The following CLHC1 variants were observed in gnomAD, a reference collection of about 807,000 sequenced individuals.
CLHC1 encodes clathrin heavy chain linker domain-containing protein 1.
In CLHC1, 72 loss-of-function variants were observed where a neutral mutation model predicts 69.5. That is an observed-to-expected ratio of 1.04 (90% CI 0.86 to 1.26). The LOEUF (loss-of-function observed/expected upper bound fraction) is 1.26. CLHC1 is among the 50% of genes most tolerant of loss of function. The pLI is 0.00. For synonymous variants in CLHC1, 223 were observed against 224.3 expected (o/e 0.99, Z 0.05); for missense variants, 790 against 679.3 (o/e 1.16, Z -1.81).
intron 11 of CLHC1, 94 bp downstream of exon 11, chr2:55,180,416 A>G (rs145972393): frequency 4.9e-5 from 41 of 845,230 alleles, no homozygotes; most frequent in Non-Finnish European, 5.8e-5. Context: ...TTGATTTTAT[A>G]ACGTAAGTTT....
intron 9 of CLHC1, among the ~76,000 whole-genome samples, chr2:55,192,328 C>A (rs182952571): frequency 6.6e-6 from 1 of 152,246 alleles, no homozygotes; most frequent in Admixed American, 6.5e-5. Context: ...CCATGTTGGC[C>A]AGGCTGGTCT....
At chr2:55,216,467 G>T (rs992990414) in intron 4 of CLHC1, among the ~76,000 whole-genome samples, 5 of 152,080 alleles carry the variant, frequency 3.3e-5, no homozygotes, top group Non-Finnish European at 5.9e-5. Flanking sequence ...TCATGAAATT[G>T]TACTATTAAA....
chr2:55,223,670 C>T (rs1226678076), intron 2 of CLHC1, among the ~76,000 whole-genome samples: 1 of 151,964 alleles, frequency 6.6e-6, no homozygotes, highest in Non-Finnish European at 1.5e-5. Flanking sequence ...ACCACTGGCG[C>T]CCCCGGACCC....
intron 9 of CLHC1, among the ~76,000 whole-genome samples, chr2:55,186,742 T>C (rs1213523549): frequency 1.3e-5 from 2 of 152,088 alleles, no homozygotes; most frequent in African/African-American, 2.4e-5. Flanking sequence ...ACCACTGCAC[T>C]CCCACCTGGA....
chr2:55,232,265 A>C lies in CLHC1; in HGVS notation c.-298T>G. On this transcript the variant is annotated 5_prime_UTR_variant, in exon 1 of 13. Transcript: ENST00000401408. ...GTCCTTTTCTCCAAACACCGACTTCAGTGCTTAGAGATAGTAACTAGGGAA... is the reference window on the plus strand; with the variant it reads ...GTCCTTTTCTCCAAACACCGACTTCCGTGCTTAGAGATAGTAACTAGGGAA... 1 of 184,226 alleles carries C rather than the reference A, an allele frequency of 5.4e-6. No homozygotes were observed. The highest frequency in any genetic ancestry group is 1.2e-5 in the Non-Finnish European group (1 of 85,068). 11.4% of individuals were successfully genotyped at this position (184,226 alleles called of 1,614,324 possible).
At chr2:55,182,711 T>C (rs1348663974) in intron 9 of CLHC1, among the ~76,000 whole-genome samples, 1 of 152,192 alleles carries the variant, frequency 6.6e-6, no homozygotes, top group Non-Finnish European at 1.5e-5. Context: ...TAAAGAGAAT[T>C]AAAGTACGAG....
chr2:55,189,204 G>A (rs910866270), intron 9 of CLHC1, among the ~76,000 whole-genome samples: 18 of 151,888 alleles, frequency 1.2e-4, no homozygotes, highest in African/African-American at 4.1e-4. Context: ...GGAGAAAAGA[G>A]GGAATTCTTA....
At chr2:55,213,091 T>TA (rs1278624902) in intron 4 of CLHC1, among the ~76,000 whole-genome samples, 1 of 152,194 alleles carries the variant, frequency 6.6e-6, no homozygotes, top group Non-Finnish European at 1.5e-5. Context: ...TTTTGTAATT[T>TA]AAAAAATATT....
chr2:55,207,281 G>C (rs1672546397), intron 8 of CLHC1, among the ~76,000 whole-genome samples: 1 of 152,138 alleles, frequency 6.6e-6, no homozygotes, highest in African/African-American at 2.4e-5. Flanking sequence ...TATGGCAAAA[G>C]GTCTTCAAAT....
chr2:55,177,668 G>C lies in CLHC1; in HGVS notation c.1498C>G (p.Leu500Val), dbSNP rs1669528100. Residue 500 changes from leucine (L) to valine (V), a missense_variant, in exon 12 of 13, where the codon CTG becomes GTG. By Grantham distance (32) the Leu-to-Val change is conservative (BLOSUM62 1). Transcript: ENST00000401408. ...ACTTTTTTCATGTCTGCAGAGAACA[G>C]ATGAAGTATAGCAAGACCAAAAGAT... is the stretch of plus-strand genomic sequence containing the variant. ...SLSFGLAILHLFSADMKKVGI... is the reference protein window; with the variant it reads ...SLSFGLAILHVFSADMKKVGI... The C allele has an allele frequency of 1.9e-6, 3 of 1,612,976 alleles. No homozygotes were observed. Among genetic ancestry groups the C allele is most frequent in the Non-Finnish European group, 1.7e-6 (2 of 1,179,188 alleles).
At chr2:55,199,309 A>G (rs61218130) in intron 9 of CLHC1, among the ~76,000 whole-genome samples, 6 of 130,406 alleles carry the variant, frequency 4.6e-5, no homozygotes, top group Non-Finnish European at 5.1e-5. Flanking sequence ...AAAAAAAAAA[A>G]AAAAAAAAAA....
chr2:55,201,845 G>T (rs1286265126), intron 9 of CLHC1, among the ~76,000 whole-genome samples: 1 of 152,138 alleles, frequency 6.6e-6, no homozygotes, highest in African/African-American at 2.4e-5. Context: ...GGGATGTAAG[G>T]ATGGTTCAAC....
chr2:55,198,876 GA>G (rs146732425), intron 9 of CLHC1, among the ~76,000 whole-genome samples: 2,315 of 151,508 alleles, frequency 0.015, 58 homozygotes, highest in African/African-American at 0.054. Flanking sequence ...AAATGTTGAA[GA>G]AAAAAAACAT....
intron 5 of CLHC1, among the ~76,000 whole-genome samples, chr2:55,212,407 A>G (rs1385146708): frequency 6.6e-6 from 1 of 152,216 alleles, no homozygotes; most frequent in Non-Finnish European, 1.5e-5. Context: ...AGAGGTCTTT[A>G]GGTGATGCTG....
chr2:55,183,699 C>T (rs71414550), intron 9 of CLHC1, among the ~76,000 whole-genome samples: 26,759 of 152,200 alleles, frequency 0.18, 2,607 homozygotes, highest in East Asian at 0.39. Context: ...ACCCCTAAAG[C>T]TTGTATAGTG....
intron 3 of CLHC1, among the ~76,000 whole-genome samples, chr2:55,221,841 G>T (rs1022578250): frequency 6.6e-6 from 1 of 152,138 alleles, no homozygotes; most frequent in Non-Finnish European, 1.5e-5. Context: ...GTCAGGAGTG[G>T]TGGCACAAGT....
At chr2:55,232,386 T>A (rs1489388606), upstream of CLHC1, 1 of 280,654 alleles carries the variant, frequency 3.6e-6, no homozygotes, top group Non-Finnish European at 7.1e-6. Context: ...ATTTCCTACC[T>A]CTTCCCCAAG....
chr2:55,207,193 G>A (rs1672537782), intron 8 of CLHC1, among the ~76,000 whole-genome samples: 1 of 152,006 alleles, frequency 6.6e-6, no homozygotes, highest in African/African-American at 2.4e-5. Flanking sequence ...GTTCTGCCAG[G>A]CAACAGGTTC....
At chr2:55,213,327 A>G (rs1039096074) in intron 4 of CLHC1, among the ~76,000 whole-genome samples, 2 of 152,180 alleles carry the variant, frequency 1.3e-5, no homozygotes, top group African/African-American at 4.8e-5. Flanking sequence ...TCATCACTTC[A>G]GTCTCTGCCT....
Sources: allele counts gnomAD v4.1 joint callset (sites outside exome capture counted in the v4.1 genomes callset), GRCh38; gene constraint gnomAD v4.1.1; transcripts MANE v1.5; gene names NCBI Gene and HGNC (gene_info 2026-07-23, HGNC 2026-07-21).